KLF12: variants seen among roughly 807,000 people sequenced by gnomAD.
The protein encoded by KLF12 is KLF transcription factor 12, also known as Krueppel-like factor 12.
In KLF12, 9 loss-of-function variants were observed where a neutral mutation model predicts 37.8. The observed-to-expected ratio is 0.24, with a 90% CI of 0.14 to 0.42. The LOEUF (loss-of-function observed/expected upper bound fraction) is 0.42. Ranked by LOEUF, KLF12 falls within the 10% of genes least tolerant of loss-of-function variation. The probability of loss-of-function intolerance (pLI) is 1.00; values close to 1 mark genes in which losing one functional copy is unlikely to be tolerated. For missense variants in KLF12, 411 were observed against 516.0 expected (o/e 0.80, Z 1.97); for synonymous variants, 208 against 202.1 (o/e 1.03, Z -0.25).
chr13:74,064,333 T>C (rs554758324), intron 1 of KLF12, among the ~76,000 whole-genome samples: 2 of 152,350 alleles, frequency 1.3e-5, no homozygotes, highest in African/African-American at 4.8e-5. Flanking sequence ...GCCTAGTACC[T>C]TGCATGTAGC....
chr13:73,907,934 T>C lies in KLF12; in HGVS notation c.123+36047A>G, dbSNP rs9573325. Reference sequence around the variant, plus strand: ...GCTTTTCTGCCTCAGACACAATGCCTTTTTATTATTCCTCAAACACAGAAA... The same window carrying C: ...GCTTTTCTGCCTCAGACACAATGCCCTTTTATTATTCCTCAAACACAGAAA... On this transcript the variant is annotated intron_variant, in intron 3 of 7. Transcript: ENST00000377669. Among the ~76,000 whole-genome samples, 32 of 152,260 alleles carry C rather than the reference T, an allele frequency of 2.1e-4. No individual in the cohort carries two copies. The East Asian group carries it at 5.8e-3, about 28-fold the overall frequency.
At chr13:73,880,271 T>G (rs2138943785) in intron 3 of KLF12, among the ~76,000 whole-genome samples, 1 of 152,198 alleles carries the variant, frequency 6.6e-6, no homozygotes, top group East Asian at 1.9e-4. Flanking sequence ...TTTCTGGACT[T>G]CACTTTTCCT....
At chr13:73,900,497 G>A (rs1887989919) in intron 3 of KLF12, among the ~76,000 whole-genome samples, 2 of 151,870 alleles carry the variant, frequency 1.3e-5, no homozygotes, top group Non-Finnish European at 2.9e-5. Context: ...TTAAACATCA[G>A]TGAAATCAAT....
intron 2 of KLF12, among the ~76,000 whole-genome samples, chr13:73,993,892 T>C (rs1053988265): frequency 6.6e-6 from 1 of 152,016 alleles, no homozygotes; most frequent in Admixed American, 6.5e-5. Flanking sequence ...ACCACTTTAC[T>C]AACACACCAC....
At chr13:74,074,772 A>C (rs183681142) in intron 1 of KLF12, among the ~76,000 whole-genome samples, 5 of 152,218 alleles carry the variant, frequency 3.3e-5, no homozygotes, top group Admixed American at 3.3e-4. Context: ...TACCTGTCTT[A>C]ACCAACTACA....
intron 1 of KLF12, among the ~76,000 whole-genome samples, chr13:74,099,651 C>A (rs1426031860): frequency 6.6e-6 from 1 of 152,130 alleles, no homozygotes; most frequent in East Asian, 1.9e-4. Context: ...AGAAAACCTA[C>A]ATGCAGGGTA....
chr13:74,225,898 G>A, the KLF12 span, among the ~76,000 whole-genome samples: 1 of 152,096 alleles, frequency 6.6e-6, no homozygotes, highest in Non-Finnish European at 1.5e-5. Flanking sequence ...CAATGGTCAG[G>A]GAAGGATACT....
At chr13:73,784,294 G>T (rs372080694) in intron 5 of KLF12, among the ~76,000 whole-genome samples, 1 of 151,814 alleles carries the variant, frequency 6.6e-6, no homozygotes. Flanking sequence ...ACCATCAAAG[G>T]GGTTCTCAAT....
At chr13:74,051,917 C>A (rs77245283) in intron 1 of KLF12, among the ~76,000 whole-genome samples, 1 of 151,960 alleles carries the variant, frequency 6.6e-6, no homozygotes, top group Non-Finnish European at 1.5e-5. Context: ...TATACATGTT[C>A]GAAGTGATGG....
At chr13:74,071,319 T>C (rs974801071) in intron 1 of KLF12, among the ~76,000 whole-genome samples, 13 of 152,144 alleles carry the variant, frequency 8.5e-5, no homozygotes, top group Non-Finnish European at 5.9e-5. Context: ...AATGAATCAA[T>C]TGCTATTTCA....
chr13:73,735,193 A>G (rs867357336), intron 6 of KLF12, among the ~76,000 whole-genome samples: 13 of 147,444 alleles, frequency 8.8e-5, no homozygotes, highest in Admixed American at 2.0e-4. Context: ...GTAACTTGGG[A>G]GGCTGAAGCA....
chr13:73,936,390 A>G (rs1301191312), intron 3 of KLF12, among the ~76,000 whole-genome samples: 9 of 152,108 alleles, frequency 5.9e-5, no homozygotes, highest in Non-Finnish European at 1.5e-5. Flanking sequence ...AATGCCTCAC[A>G]TATGAAGAGG....
rs66701744 is a variant in KLF12, at chr13:73,731,536, CA to C, written c.870-16012del. Among the ~76,000 whole-genome samples the C allele has an allele frequency of 1.2e-3, 126 of 103,536 alleles. 1 individual carries two copies. Among genetic ancestry groups the C allele is most frequent in the Middle Eastern group, 7.6e-3 (1 of 132 alleles). 67.9% of individuals were successfully genotyped at this position (103,536 alleles called of 152,430 possible). A position where few individuals can be genotyped will look rare whatever the true frequency, so the allele number is the denominator to read the frequency against. On this transcript the variant is annotated intron_variant, in intron 6 of 7. Transcript: ENST00000377669. ...CGGGTCCATGGTAGAGGAAATTAGA[CA>C]AAAAAAAAAAAAAAAAGCATAGTTT...
chr13:74,269,028 C>A, the KLF12 span, among the ~76,000 whole-genome samples: 9 of 152,220 alleles, frequency 5.9e-5, no homozygotes, highest in South Asian at 1.0e-3. Flanking sequence ...TGGGGAAGAC[C>A]TTTGCATTGC....
the KLF12 span, among the ~76,000 whole-genome samples, chr13:74,264,355 T>C: frequency 8.8e-3 from 1,337 of 152,318 alleles, 16 homozygotes; most frequent in African/African-American, 0.03. Flanking sequence ...TGGACTCTTA[T>C]AGCTGTAGAG....
At chr13:73,934,237 T>C (rs1466787481) in intron 3 of KLF12, among the ~76,000 whole-genome samples, 1 of 152,154 alleles carries the variant, frequency 6.6e-6, no homozygotes, top group Non-Finnish European at 1.5e-5. Context: ...CTCTAGAATT[T>C]ACAACATAAG....
At chr13:74,149,595 C>T in the KLF12 span, among the ~76,000 whole-genome samples, 1 of 152,192 alleles carries the variant, frequency 6.6e-6, no homozygotes, top group Non-Finnish European at 1.5e-5. Flanking sequence ...CAAATGGACT[C>T]CGTGCTTCCA....
At chr13:74,225,337 A>G in the KLF12 span, among the ~76,000 whole-genome samples, 1 of 152,148 alleles carries the variant, frequency 6.6e-6, no homozygotes, top group African/African-American at 2.4e-5. Context: ...TTTTGATTTC[A>G]CACTACCTTA....
At chr13:73,708,968 G>A (rs540305072) in intron 7 of KLF12, among the ~76,000 whole-genome samples, 1 of 152,160 alleles carries the variant, frequency 6.6e-6, no homozygotes, top group Non-Finnish European at 1.5e-5. Flanking sequence ...ACAATAATGT[G>A]TATGTGATGG....
Sources: allele counts gnomAD v4.1 joint callset (sites outside exome capture counted in the v4.1 genomes callset), GRCh38; gene constraint gnomAD v4.1.1; transcripts MANE v1.5; gene names NCBI Gene and HGNC (gene_info 2026-07-23, HGNC 2026-07-21).